Variants in MACROD2 observed in about 807,000 individuals in gnomAD.
MACROD2 encodes the protein mono-ADP ribosylhydrolase 2.
A neutral mutation model predicts 70.4 loss-of-function variants in MACROD2; 36 were observed. That is an observed-to-expected ratio of 0.51 (90% CI 0.39 to 0.68). The LOEUF (loss-of-function observed/expected upper bound fraction) is 0.68, where lower values mean the gene tolerates loss of function less well. MACROD2 is among the 30% of genes least tolerant of loss of function. MACROD2 has a pLI of 0.00. For synonymous variants in MACROD2, 172 were observed against 178.8 expected, an observed-to-expected ratio of 0.96 and a Z score of 0.30; for missense variants, 496 against 538.4, an observed-to-expected ratio of 0.92 and a Z score of 0.78.
intron 3 of MACROD2, among the ~76,000 whole-genome samples, chr20:14,199,934 C>T (rs563140908): frequency 8.5e-5 from 13 of 152,054 alleles, no homozygotes; most frequent in Non-Finnish European, 1.9e-4. Context: ...CCTTCTTATC[C>T]ACCTATTCTT....
At chr20:14,301,063 G>C (rs1304120689) in intron 3 of MACROD2, among the ~76,000 whole-genome samples, 4 of 152,124 alleles carry the variant, frequency 2.6e-5, no homozygotes, top group Non-Finnish European at 5.9e-5. Context: ...GATCCTATCA[G>C]GTATGTATTC....
At chr20:14,610,699 G>C (rs1176127935) in intron 4 of MACROD2, among the ~76,000 whole-genome samples, 1 of 152,010 alleles carries the variant, frequency 6.6e-6, no homozygotes, top group Non-Finnish European at 1.5e-5. Context: ...AATCAGTAAA[G>C]CCTAGCATTG....
chr20:14,490,933 A>G (rs1204880007), intron 3 of MACROD2, among the ~76,000 whole-genome samples: 1 of 152,214 alleles, frequency 6.6e-6, no homozygotes, highest in African/African-American at 2.4e-5. Context: ...ATTATAAAAC[A>G]TGTCTTGAAA....
At chr20:14,699,309 G>C (rs2071164975) in intron 5 of MACROD2, among the ~76,000 whole-genome samples, 1 of 152,150 alleles carries the variant, frequency 6.6e-6, no homozygotes, top group Non-Finnish European at 1.5e-5. Context: ...GCTAGCCCAA[G>C]TGCTTACAAC....
At chr20:15,601,927 C>G (rs1032513654) in intron 8 of MACROD2, among the ~76,000 whole-genome samples, 1 of 152,038 alleles carries the variant, frequency 6.6e-6, no homozygotes, top group Non-Finnish European at 1.5e-5. Context: ...ACTCGGGAGG[C>G]TGAGGCAGGA....
chr20:14,785,119 C>T (rs1384942848), intron 5 of MACROD2, among the ~76,000 whole-genome samples: 1 of 151,856 alleles, frequency 6.6e-6, no homozygotes, highest in South Asian at 2.1e-4. Context: ...AACAAATTGC[C>T]TCTCAGTCAG....
intron 4 of MACROD2, among the ~76,000 whole-genome samples, chr20:14,599,120 T>C (rs781519782): frequency 2.0e-5 from 3 of 152,138 alleles, no homozygotes; most frequent in Non-Finnish European, 2.9e-5. Context: ...CAAGTAGTTA[T>C]AAATGTATAT....
At chr20:15,501,615 T>C (rs766547678) in intron 8 of MACROD2, among the ~76,000 whole-genome samples, 7 of 152,234 alleles carry the variant, frequency 4.6e-5, no homozygotes, top group Admixed American at 6.5e-5. Flanking sequence ...TGCTAATTTC[T>C]TGGGTCCATT....
chr20:15,209,133 A>ATTTC (rs1334485175), intron 5 of MACROD2, among the ~76,000 whole-genome samples: 5 of 150,192 alleles, frequency 3.3e-5, no homozygotes, highest in African/African-American at 1.2e-4. Flanking sequence ...TTATTTATTT[A>ATTTC]TTTATTTATT....
chr20:15,658,376 G>A (rs2049765780), intron 8 of MACROD2, among the ~76,000 whole-genome samples: 3 of 152,118 alleles, frequency 2.0e-5, no homozygotes, highest in Middle Eastern at 3.4e-3. Context: ...CCTTCTCCTC[G>A]TTATTGAAAG....
At chr20:15,916,118 CATATTTGTGGAGCCTGCTTAGCTGGAAG>C (rs1387697938) in intron 10 of MACROD2, among the ~76,000 whole-genome samples, 1 of 152,174 alleles carries the variant, frequency 6.6e-6, no homozygotes, top group African/African-American at 2.4e-5. Context: ...ATCTGTGTAA[CATATTTGTGGAGCCTGCTTAGCTGGAAG>C]TCCTCATATA....
chr20:15,879,510 A>G (rs984410452), intron 9 of MACROD2, among the ~76,000 whole-genome samples: 1 of 152,166 alleles, frequency 6.6e-6, no homozygotes, highest in African/African-American at 2.4e-5. Flanking sequence ...TGATTTTAAT[A>G]CAAATAATTG....
intron 2 of MACROD2, among the ~76,000 whole-genome samples, chr20:14,049,817 C>T (rs948138451): frequency 6.6e-6 from 1 of 151,826 alleles, no homozygotes; most frequent in African/African-American, 2.4e-5. Context: ...GGTGCGGTGG[C>T]TCACGCCTGT....
chr20:15,631,449 C>T (rs539083782), intron 8 of MACROD2, among the ~76,000 whole-genome samples: 95 of 152,064 alleles, frequency 6.2e-4, no homozygotes, highest in Non-Finnish European at 1.2e-3. Context: ...AATCCAAACA[C>T]ATTCTTTCAA....
intron 6 of MACROD2, among the ~76,000 whole-genome samples, chr20:15,340,903 G>T (rs2078104223): frequency 6.6e-6 from 1 of 151,946 alleles, no homozygotes; most frequent in Non-Finnish European, 1.5e-5. Context: ...TGCCCAGGCT[G>T]GTCTCAAACT....
intron 4 of MACROD2, among the ~76,000 whole-genome samples, chr20:14,642,908 G>T (rs191135517): frequency 1.1e-3 from 173 of 151,956 alleles, no homozygotes; most frequent in Non-Finnish European, 1.2e-3. Context: ...TGATAGTCTT[G>T]CTCAACACAT....
intron 3 of MACROD2, among the ~76,000 whole-genome samples, chr20:14,267,308 T>A (rs1175813297): frequency 6.6e-6 from 1 of 152,124 alleles, no homozygotes; most frequent in South Asian, 2.1e-4. Context: ...GAAGTGTATA[T>A]AGTTCATTTA....
intron 3 of MACROD2, among the ~76,000 whole-genome samples, chr20:14,272,690 A>G (rs2122361238): frequency 6.6e-6 from 1 of 151,564 alleles, no homozygotes; most frequent in East Asian, 1.9e-4. Flanking sequence ...ATTAAAAGAC[A>G]CAGACTGGCA....
intron 5 of MACROD2, among the ~76,000 whole-genome samples, chr20:15,101,475 T>C (rs1040042259): frequency 2.0e-5 from 3 of 148,706 alleles, no homozygotes; most frequent in Non-Finnish European, 4.4e-5. Flanking sequence ...ATAAAAATTA[T>C]AGCTTAGGTT....
Sources: allele counts gnomAD v4.1 joint callset (sites outside exome capture counted in the v4.1 genomes callset), GRCh38; gene constraint gnomAD v4.1.1; transcripts MANE v1.5; gene names NCBI Gene and HGNC (gene_info 2026-07-23, HGNC 2026-07-21).